The following ADCK2 variants were observed in gnomAD, a reference collection of about 807,000 sequenced individuals.
The protein encoded by ADCK2 is aarF domain containing kinase 2, also known as uncharacterized aarF domain-containing protein kinase 2.
A neutral mutation model predicts 52.3 loss-of-function variants in ADCK2; 37 were observed. That is an observed-to-expected ratio of 0.71 (90% CI 0.54 to 0.93). The LOEUF (loss-of-function observed/expected upper bound fraction) is 0.93, where lower values mean the gene tolerates loss of function less well. Among genes scored for constraint, ADCK2 ranks in the 40% least tolerant of loss-of-function variants. The pLI, the probability that ADCK2 is intolerant of heterozygous loss-of-function variation, is 0.00. For synonymous variants in ADCK2, 321 were observed against 349.2 expected (o/e 0.92, Z 0.90); for missense variants, 695 against 798.7 (o/e 0.87, Z 1.56).
chr7:140,684,596 C>T (rs985175656), intron 4 of ADCK2, among the ~76,000 whole-genome samples: 4 of 152,088 alleles, frequency 2.6e-5, no homozygotes, highest in African/African-American at 4.8e-5. Context: ...TGGTGAGAGC[C>T]GGAGAATGAA....
chr7:140,673,585 C>A lies in ADCK2; in HGVS notation c.255C>A (p.Pro85=), dbSNP rs773579650. 1 of 1,605,302 alleles carries A rather than the reference C, an allele frequency of 6.2e-7. No homozygotes were observed. Among genetic ancestry groups the A allele is most frequent in the Admixed American group, 1.7e-5 (1 of 59,840 alleles). The stretch of plus-strand genomic sequence containing the variant: ...GCGCGGGGCCCGCGGAGAGCCTCCC[C>A]CGAGCGGGACCTCTGGGCGGCGTCT... ...AAGAGPAESL[P]RAGPLGGVFL... Residue 85 remains proline, a synonymous_variant, in exon 1 of 8, where the codon CCC becomes CCA. Transcript: ENST00000072869. The surrounding 1 kb of genome is among the most constrained non-coding windows in gnomAD (Gnocchi z 6.4).
rs1225748895 is a variant in ADCK2, at chr7:140,678,497, A to G, written c.1081-658A>G. Among the ~76,000 whole-genome samples the G allele has an allele frequency of 6.6e-6, 1 of 152,148 alleles. No individual in the cohort carries two copies. Among genetic ancestry groups the G allele is most frequent in the African/African-American group, 2.4e-5 (1 of 41,430 alleles). On this transcript the variant is annotated intron_variant, in intron 2 of 7. Coordinates refer to ENST00000072869, the MANE Select transcript of ADCK2 (RefSeq NM_052853.4). The surrounding 1 kb of genome is among the most constrained non-coding windows in gnomAD (Gnocchi z 4.9). ...GCTCACTTCGGTCAGGAGAAAGGAC[A>G]TCAGCTCCTGGGGGCACAGGAGACC...
chr7:140,689,411 G>C (rs1585853748), intron 5 of ADCK2, among the ~76,000 whole-genome samples, 186 bp from the exon 6 acceptor site: 1 of 152,116 alleles, frequency 6.6e-6, no homozygotes, highest in Non-Finnish European at 1.5e-5. Context: ...GCAGTGCAGC[G>C]GGGGTGGGGG....
chr7:140,683,955 G>A (rs1454430731), intron 4 of ADCK2, among the ~76,000 whole-genome samples: 35 of 152,310 alleles, frequency 2.3e-4, no homozygotes, highest in Non-Finnish European at 3.7e-4. Flanking sequence ...AGGGGCCATT[G>A]TTCTCTGCTG....
chr7:140,689,802 G>C, intron 6 of ADCK2, 77 bp downstream of exon 6: 5 of 1,418,556 alleles, frequency 3.5e-6, no homozygotes, highest in Non-Finnish European at 3.7e-6. Context: ...GGGTCTAAGG[G>C]AGACCTCTTT....
Position 140,679,214 on chromosome 7 carries a change from G to A in ADCK2, c.1140G>A (p.Val380=). ...ACTTCCAGGTCAACTTCCGGAATGT[G>A]AAAGCCGTCAAGTTCCCCACCCCTC... ...LEHFQVNFRN[V]KAVKFPTPLR... Residue 380 remains valine, a synonymous_variant, in exon 3 of 8, where the codon GTG becomes GTA. Coordinates refer to ENST00000072869, the MANE Select transcript of ADCK2 (RefSeq NM_052853.4). The A allele has an allele frequency of 1.9e-6, 3 of 1,614,132 alleles. No individual in the cohort carries two copies. The highest frequency in any genetic ancestry group is 2.5e-6 in the Non-Finnish European group (3 of 1,180,008).
chr7:140,695,009 G>GGCCT lies in ADCK2; in HGVS notation c.*207_*210dup. 5.3e-6 allele frequency: 7 copies of GGCCT among 1,308,920 alleles called. No homozygotes were observed. Among genetic ancestry groups the GGCCT allele is most frequent in the Non-Finnish European group, 6.8e-6 (7 of 1,031,442 alleles). 81.1% of individuals were successfully genotyped at this position (1,308,920 alleles called of 1,614,324 possible). On this transcript the variant is annotated 3_prime_UTR_variant, in exon 8 of 8. Transcript: ENST00000072869. ...AATTAGGGAGTAAAAGGAGGGAAGG[G>GGCCT]GCCTATCCATTCCATTGTGGAAGCT...
In ADCK2 at chr7:140,693,951, C is replaced by T. The variant is rs911589494; in HGVS notation, c.1741-712C>T. Reference sequence around the variant, plus strand: ...GTCTCGATCTCCTGACCTCATGATCCGCCCGCCTCGGTCTCCCAAAGGGCT... The same window carrying T: ...GTCTCGATCTCCTGACCTCATGATCTGCCCGCCTCGGTCTCCCAAAGGGCT... On this transcript the variant is annotated intron_variant, in intron 7 of 7. Transcript: ENST00000072869. This position sits in a 1 kb window ranked among gnomAD's most constrained non-coding sequence, Gnocchi z 4.0. 4.6e-5 allele frequency among the ~76,000 whole-genome samples: 7 copies of T among 152,114 alleles called. No individual in the cohort carries two copies. The highest frequency in any genetic ancestry group is 7.3e-5 in the Non-Finnish European group (5 of 68,032).
In ADCK2 at chr7:140,674,249, T is replaced by C. The variant is rs1140034; in HGVS notation, c.919T>C (p.Ser307Pro). Residue 307 changes from serine to proline, a missense_variant, in exon 1 of 8, where the codon TCC becomes CCC. Physicochemically the swap from Ser to Pro is moderately conservative, Grantham distance 74. Coordinates refer to ENST00000072869, the MANE Select transcript of ADCK2 (RefSeq NM_052853.4). The surrounding 1 kb of genome is among the most constrained non-coding windows in gnomAD (Gnocchi z 4.6). ...GHQPEATNLI[S>P]VAVKVLHPGL... The stretch of plus-strand genomic sequence containing the variant: ...CCAACCTGAGGCCACCAACCTCATC[T>C]CCGTGGCAGTGAAAGTAAGTGTTGT... 230,371 of 1,611,024 alleles carry C rather than the reference T, an allele frequency of 0.14. 27,995 individuals carry two copies. Among genetic ancestry groups the C allele is most frequent in the African/African-American group, 0.64 (47,978 of 74,822 alleles).
At chr7:140,685,127 G>A (rs1209162486) in intron 4 of ADCK2, among the ~76,000 whole-genome samples, 2 of 151,970 alleles carry the variant, frequency 1.3e-5, no homozygotes, top group African/African-American at 2.4e-5. Context: ...AAAGTGCATA[G>A]ATCTTAAATT....
At chr7:140,677,021 TCAAACAAACAAACAAA>T (rs113170613) in intron 2 of ADCK2, among the ~76,000 whole-genome samples, 10 of 149,972 alleles carry the variant, frequency 6.7e-5, no homozygotes, top group African/African-American at 1.7e-4. Context: ...AGATCCCATC[TCAAACAAACAAACAAA>T]CAAACAAACA....
intron 4 of ADCK2, among the ~76,000 whole-genome samples, chr7:140,683,285 A>C (rs1198734844): frequency 6.6e-6 from 1 of 152,066 alleles, no homozygotes; most frequent in African/African-American, 2.4e-5. Context: ...CTCCGTCTAA[A>C]CAAACAAACA....
intron 7 of ADCK2, among the ~76,000 whole-genome samples, chr7:140,692,915 T>C (rs1794732841): frequency 6.6e-6 from 1 of 152,212 alleles, no homozygotes; most frequent in Non-Finnish European, 1.5e-5. Context: ...GGAACTTCCA[T>C]AGGAGCTGTA....
At position 140,687,133 on chromosome 7, in the gene ADCK2, C is replaced by G; in HGVS notation, c.1449C>G (p.Ser483=). 6.2e-7 allele frequency: 1 copy of G among 1,613,644 alleles called. No homozygotes were observed. ...CDTLVVAVPS[S]LCPLRLVLLD... is the part of the protein sequence containing the mutation. The stretch of plus-strand genomic sequence containing the variant: ...CTCTGGTGGTGGCCGTGCCATCTTC[C>G]CTCTGCCCGCTGCGACTGGTGCTGC... The change falls in exon 5 of 8, where the codon TCC becomes TCG. Residue 483 remains serine (S), a synonymous_variant. Coordinates refer to ENST00000072869, the MANE Select transcript of ADCK2 (RefSeq NM_052853.4).
Position 140,673,316 on chromosome 7 carries a change from G to T in ADCK2, c.-15G>T. ...AAGTGGAGGGCGGGCCGCCTGGGCC[G>T]CGGGCCTCGGGAGGATGGTGGCGCC... On this transcript the variant is annotated 5_prime_UTR_variant, in exon 1 of 8. Transcript: ENST00000072869. The surrounding 1 kb of genome is among the most constrained non-coding windows in gnomAD (Gnocchi z 6.4). 3 of 1,428,138 alleles carry T rather than the reference G, an allele frequency of 2.1e-6. No homozygotes were observed. The highest frequency in any genetic ancestry group is 2.8e-6 in the Non-Finnish European group (3 of 1,090,466). The allele number at this position is 1,428,138 out of a possible 1,614,324, so 88.5% of individuals were successfully genotyped here.
chr7:140,679,589 G>C (rs1794480520), intron 3 of ADCK2, among the ~76,000 whole-genome samples: 1 of 149,364 alleles, frequency 6.7e-6, no homozygotes, highest in African/African-American at 2.4e-5. Context: ...GTTGGGCACA[G>C]AGAAAGTGCT....
intron 7 of ADCK2, 91 bp from the exon 8 acceptor site, chr7:140,694,572 A>G (rs1794763037): frequency 1.6e-6 from 2 of 1,290,014 alleles, no homozygotes; most frequent in South Asian, 2.8e-5. Flanking sequence ...GGTCTGAGGG[A>G]GGCTGAGAGT....
chr7:140,679,241 G>A lies in ADCK2; in HGVS notation c.1167G>A (p.Leu389=), dbSNP rs762810916. The A allele has an allele frequency of 2.5e-6, 4 of 1,613,678 alleles. No homozygotes were observed. The Admixed American group carries it at 5.0e-5, about 20-fold the overall frequency. ...NVKAVKFPTP[L]RPFVTREVLV... is the part of the protein sequence containing the mutation. The stretch of plus-strand genomic sequence containing the variant: ...AAGCCGTCAAGTTCCCCACCCCTCT[G>A]CGCCCCTTTGTCACCAGAGAAGTCT... The change falls in exon 3 of 8, where the codon CTG becomes CTA. Residue 389 remains leucine, a synonymous_variant. Coordinates refer to ENST00000072869, the MANE Select transcript of ADCK2 (RefSeq NM_052853.4).
chr7:140,689,802 G>A (rs139670072), intron 6 of ADCK2, 77 bp downstream of exon 6: 40 of 1,418,556 alleles, frequency 2.8e-5, no homozygotes, highest in Non-Finnish European at 3.6e-5. Flanking sequence ...GGGTCTAAGG[G>A]AGACCTCTTT....
Sources: gnomAD v4.1 joint callset for allele counts (sites outside exome capture counted in the v4.1 genomes callset) on GRCh38, gnomAD v4.1.1 for gene constraint, Gnocchi (gnomAD v3.1) non-coding constraint, MANE v1.5 for transcripts, NCBI Gene and HGNC (gene_info 2026-07-23, HGNC 2026-07-21) for gene names.